Variants in RGS6 observed in about 807,000 individuals in gnomAD.
The protein encoded by RGS6 is regulator of G protein signaling 6.
A neutral mutation model predicts 78.5 loss-of-function variants in RGS6; 30 were observed. That is an observed-to-expected ratio of 0.38 (90% CI 0.29 to 0.52). RGS6 has a LOEUF of 0.52. Ranked by LOEUF, RGS6 falls within the 20% of genes least tolerant of loss-of-function variation. RGS6 has a pLI of 0.85. For missense variants in RGS6, 495 were observed against 609.7 expected, an observed-to-expected ratio of 0.81 and a Z score of 1.98; for synonymous variants, 206 against 206.0, an observed-to-expected ratio of 1.00 and a Z score of 0.00.
chr14:72,603,469 C>T, the RGS6 span, among the ~76,000 whole-genome samples: 2 of 152,254 alleles, frequency 1.3e-5, no homozygotes, highest in Non-Finnish European at 2.9e-5. Flanking sequence ...CCACTCCCCA[C>T]ACCACTGGAT....
intron 15 of RGS6, among the ~76,000 whole-genome samples, chr14:72,525,517 CAAG>C (rs2097106435): frequency 6.6e-6 from 1 of 152,186 alleles, no homozygotes; most frequent in Non-Finnish European, 1.5e-5. Context: ...CATGAGCAGA[CAAG>C]AAGCCTCTAG....
chr14:72,472,416 T>C (rs1308154456), intron 8 of RGS6, among the ~76,000 whole-genome samples: 12 of 152,344 alleles, frequency 7.9e-5, no homozygotes, highest in Middle Eastern at 3.4e-3. Flanking sequence ...CATTTATTTC[T>C]ACTGATTCTA....
At chr14:72,288,414 C>T (rs1489608144) in intron 2 of RGS6, among the ~76,000 whole-genome samples, 1 of 152,208 alleles carries the variant, frequency 6.6e-6, no homozygotes, top group Non-Finnish European at 1.5e-5. Context: ...TGACCAGGTG[C>T]AGCCCTCAAT....
intron 2 of RGS6, among the ~76,000 whole-genome samples, chr14:72,347,640 T>C (rs889064956): frequency 2.0e-5 from 3 of 152,330 alleles, no homozygotes; most frequent in African/African-American, 7.2e-5. Flanking sequence ...CTTAGAGCAG[T>C]GCCTGGCCCA....
At chr14:72,025,306 C>T (rs1336039972) in intron 2 of RGS6, among the ~76,000 whole-genome samples, 5 of 151,822 alleles carry the variant, frequency 3.3e-5, no homozygotes, top group African/African-American at 4.8e-5. Context: ...TCCCGTGTCT[C>T]GGTGTTTCTG....
the RGS6 span, among the ~76,000 whole-genome samples, chr14:71,884,790 T>C: frequency 1.7e-4 from 26 of 152,340 alleles, no homozygotes; most frequent in Admixed American, 1.7e-3. Context: ...ACAGACTTTC[T>C]TGAAATCCTA....
At chr14:72,534,123 C>A (rs1398046206) in intron 15 of RGS6, among the ~76,000 whole-genome samples, 1 of 152,346 alleles carries the variant, frequency 6.6e-6, no homozygotes, top group South Asian at 2.1e-4. Context: ...GCCACAGTCA[C>A]CTCGGCCTTC....
At chr14:72,184,255 A>C (rs921542083) in intron 2 of RGS6, among the ~76,000 whole-genome samples, 2 of 152,146 alleles carry the variant, frequency 1.3e-5, no homozygotes, top group Non-Finnish European at 2.9e-5. Flanking sequence ...TAAATAAATG[A>C]CATAATTTAT....
At chr14:72,006,447 G>A (rs899217551) in intron 2 of RGS6, among the ~76,000 whole-genome samples, 3 of 152,186 alleles carry the variant, frequency 2.0e-5, no homozygotes. Flanking sequence ...GTGTTGGGCT[G>A]TTTCTCTTGG....
intron 3 of RGS6, among the ~76,000 whole-genome samples, chr14:72,415,681 C>A (rs371752760): frequency 6.6e-6 from 1 of 152,282 alleles, no homozygotes; most frequent in Non-Finnish European, 1.5e-5. Flanking sequence ...ATCTTGGCTC[C>A]ACCCCCCCGG....
intron 14 of RGS6, among the ~76,000 whole-genome samples, chr14:72,515,154 G>A (rs2096924851): frequency 6.6e-6 from 1 of 152,164 alleles, no homozygotes; most frequent in Non-Finnish European, 1.5e-5. Context: ...GCCAGGGAGA[G>A]TCCCCAGTGT....
At chr14:72,007,208 AG>A (rs1403755924) in intron 2 of RGS6, among the ~76,000 whole-genome samples, 1 of 151,960 alleles carries the variant, frequency 6.6e-6, no homozygotes, top group African/African-American at 2.4e-5. Context: ...GAGAAACTGA[AG>A]GTAAAACTAT....
intron 2 of RGS6, among the ~76,000 whole-genome samples, chr14:72,194,244 A>G (rs1304650103): frequency 1.3e-5 from 2 of 152,198 alleles, no homozygotes; most frequent in Non-Finnish European, 2.9e-5. Context: ...AGCATCACTC[A>G]TTCATTCATT....
chr14:72,140,579 C>A lies in RGS6; in HGVS notation c.84+175704C>A, dbSNP rs139822301. Among the ~76,000 whole-genome samples, 613 of 152,294 alleles carry A rather than the reference C, an allele frequency of 4.0e-3. 4 individuals are homozygous for A. The highest frequency in any genetic ancestry group is 0.014 in the African/African-American group (568 of 41,560). On this transcript the variant is annotated intron_variant, in intron 2 of 17. Coordinates refer to ENST00000553525, the MANE Select transcript of RGS6 (RefSeq NM_001204424.2). ...GACTGATTGTTATAAGTGAAAAGGG[C>A]AGCAGTGACCCAAAACACCATTGCA... is the stretch of plus-strand genomic sequence containing the variant.
intron 2 of RGS6, among the ~76,000 whole-genome samples, chr14:72,228,133 C>A (rs1242457077): frequency 6.6e-6 from 1 of 152,196 alleles, no homozygotes; most frequent in Admixed American, 6.5e-5. Flanking sequence ...AATCCCAGCA[C>A]TTTGGGAGGC....
intron 2 of RGS6, among the ~76,000 whole-genome samples, chr14:72,089,761 A>G (rs562675220): frequency 1.3e-5 from 2 of 152,352 alleles, no homozygotes; most frequent in South Asian, 4.1e-4. Flanking sequence ...GGATGATTCA[A>G]ATTTCTTCAC....
chr14:71,998,023 G>A (rs180891095), intron 2 of RGS6, among the ~76,000 whole-genome samples: 145 of 152,292 alleles, frequency 9.5e-4, no homozygotes, highest in African/African-American at 1.8e-3. Flanking sequence ...AGGGCCTGAC[G>A]ACGTGCTCAA....
intron 3 of RGS6, among the ~76,000 whole-genome samples, chr14:72,423,508 G>T (rs745874596): frequency 1.3e-5 from 2 of 152,208 alleles, no homozygotes; most frequent in African/African-American, 2.4e-5. Context: ...GGATAAAGTC[G>T]TATTCTTCAC....
chr14:72,296,225 T>G (rs112303721), intron 2 of RGS6, among the ~76,000 whole-genome samples: 1 of 152,210 alleles, frequency 6.6e-6, no homozygotes, highest in African/African-American at 2.4e-5. Context: ...TAGTGTTCCA[T>G]TGTGTGAATG....
Sources: allele counts gnomAD v4.1 joint callset (sites outside exome capture counted in the v4.1 genomes callset), GRCh38; gene constraint gnomAD v4.1.1; transcripts MANE v1.5; gene names NCBI Gene and HGNC (gene_info 2026-07-23, HGNC 2026-07-21).